Variants in CHIT1 observed in about 807,000 individuals in gnomAD.
CHIT1 encodes the protein chitinase 1, also known as chitotriosidase-1.
A neutral mutation model predicts 52.0 loss-of-function variants in CHIT1; 47 were observed. That is an observed-to-expected ratio of 0.90 (90% CI 0.71 to 1.15). CHIT1 has a LOEUF of 1.15. Ranked by LOEUF, CHIT1 falls within the 50% of genes most tolerant of loss-of-function variation. The pLI is 0.00. For synonymous variants in CHIT1, 242 were observed against 228.2 expected (o/e 1.06, Z -0.54); for missense variants, 569 against 583.0 (o/e 0.98, Z 0.25).
intron 1 of CHIT1, 25 bp downstream of exon 1, chr1:203,229,587 C>T: frequency 6.2e-7 from 1 of 1,613,894 alleles, no homozygotes; most frequent in Non-Finnish European, 8.5e-7. Flanking sequence ...GCTCCCGAGA[C>T]CCAGCCCACT....
In CHIT1 at chr1:203,223,125, T is replaced by A. The variant is rs368307246; in HGVS notation, c.605+10A>T. 742 of 1,613,902 alleles carry A rather than the reference T, an allele frequency of 4.6e-4. No homozygotes were observed. Among genetic ancestry groups the A allele is most frequent in the Non-Finnish European group, 5.9e-4 (699 of 1,180,014 alleles). On this transcript the variant is annotated intron_variant, in intron 6 of 10. Coordinates refer to ENST00000367229, the MANE Select transcript of CHIT1 (RefSeq NM_003465.3). ...AGAGCACAGCTCCAAGCCATCTGCC[T>A]GAGACTCACTGGGCGATTTTGTCCA...
At position 203,216,422 on chromosome 1, in the gene CHIT1, C is replaced by T. The variant is rs1282317969; in HGVS notation, c.*467G>A. 2.6e-5 allele frequency: 12 copies of T among 454,380 alleles called. No individual in the cohort carries two copies. The highest frequency in any genetic ancestry group is 4.8e-5 in the Non-Finnish European group (11 of 227,138). 28.1% of individuals were successfully genotyped at this position (454,380 alleles called of 1,614,324 possible). A position where few individuals can be genotyped will look rare whatever the true frequency, so the allele number is the denominator to read the frequency against. On this transcript the variant is annotated 3_prime_UTR_variant, in exon 11 of 11. Coordinates refer to ENST00000367229, the MANE Select transcript of CHIT1 (RefSeq NM_003465.3). The stretch of plus-strand genomic sequence containing the variant: ...TGGGAATAACACGTGCGTGAAGGTC[C>T]GCAGAAGCTCCTGTTTCCAGGCTTC...
chr1:203,224,358 C>A (rs1257610643), intron 4 of CHIT1, among the ~76,000 whole-genome samples: 1 of 152,120 alleles, frequency 6.6e-6, no homozygotes. Flanking sequence ...TTAATTTAGT[C>A]CGAGGACACC....
At chr1:203,219,112 T>C in intron 9 of CHIT1, 104 bp downstream of exon 9, 1 of 776,924 alleles carries the variant, frequency 1.3e-6, no homozygotes, top group South Asian at 1.4e-5. Context: ...TGTTGGGACA[T>C]TTAAAGGAGA....
intron 4 of CHIT1, 100 bp downstream of exon 4, chr1:203,224,948 A>C: frequency 9.0e-7 from 1 of 1,110,212 alleles, no homozygotes; most frequent in South Asian, 1.3e-5. Flanking sequence ...CCCTGACCAC[A>C]CCTCAGCCTG....
intron 6 of CHIT1, 144 bp downstream of exon 6, chr1:203,222,991 T>G: frequency 1.8e-6 from 2 of 1,123,646 alleles, no homozygotes; most frequent in Non-Finnish European, 2.7e-6. Flanking sequence ...AGCAGGGAAT[T>G]TTCTGCTTTT....
Position 203,219,635 on chromosome 1 carries a change from A to G in CHIT1, c.915+29T>C, listed in dbSNP as rs760213528. The stretch of plus-strand genomic sequence containing the variant: ...TCTCAGGCACCCCCTGACCCTCACA[A>G]TACCCAGGGTGGTTATGGGTTTTCC... On this transcript the variant is annotated intron_variant, in intron 8 of 10. Coordinates refer to ENST00000367229, the MANE Select transcript of CHIT1 (RefSeq NM_003465.3). The G allele has an allele frequency of 3.7e-6, 6 of 1,613,436 alleles. No homozygotes were observed. The South Asian group carries it at 6.6e-5, about 18-fold the overall frequency.
intron 10 of CHIT1, 119 bp downstream of exon 10, chr1:203,217,620 A>G: frequency 6.7e-7 from 1 of 1,491,836 alleles, no homozygotes; most frequent in Non-Finnish European, 9.2e-7. Flanking sequence ...GGGAAATTAC[A>G]GTATTGGGGC....
In CHIT1 at chr1:203,223,528, G is replaced by C. The variant is rs139891908; in HGVS notation, c.447C>G (p.Ala149=). 1 of 1,614,160 alleles carries C rather than the reference G, an allele frequency of 6.2e-7. No individual in the cohort carries two copies. Among genetic ancestry groups the C allele is most frequent in the Non-Finnish European group, 8.5e-7 (1 of 1,179,998 alleles). ...GGGTTGTGAAGCGCTCCTTGTCTAC[G>C]GCAGGGCTCCCCTGGCTTCCTGGGT... The part of the protein sequence containing the change: ...WEYPGSQGSP[A]VDKERFTTLV... The change falls in exon 5 of 11, where the codon GCC becomes GCG. Residue 149 remains alanine (A), a synonymous_variant. Transcript: ENST00000367229.
At chr1:203,227,066 C>T (rs1430875165) in intron 2 of CHIT1, among the ~76,000 whole-genome samples, 1 of 152,088 alleles carries the variant, frequency 6.6e-6, no homozygotes, top group Non-Finnish European at 1.5e-5. Context: ...CTGTCTGTAC[C>T]CCCTCCAATG....
intron 1 of CHIT1, 60 bp from the exon 2 acceptor site, chr1:203,228,622 C>T (rs1657013810): frequency 1.2e-5 from 19 of 1,544,712 alleles, no homozygotes; most frequent in Non-Finnish European, 1.7e-5. Context: ...TCCCAGGCCC[C>T]ACAGCTTACG....
At position 203,217,484 on chromosome 1, in the gene CHIT1, G is replaced by C. The variant is rs1214167293; in HGVS notation, c.1156+255C>G. On this transcript the variant is annotated intron_variant, in intron 10 of 10. Transcript: ENST00000367229. ...ACAAGGTGCTGCTCCCAGTCTGGGG[G>C]CCCTCTGGAGGGAAGCCACGGTTAC... The C allele has an allele frequency of 4.2e-6, 5 of 1,188,472 alleles. No individual in the cohort carries two copies. In the Admixed American group the frequency reaches 8.2e-5, roughly 19 times the overall value. The allele number at this position is 1,188,472 out of a possible 1,614,324, so 73.6% of individuals were successfully genotyped here. A position where few individuals can be genotyped will look rare whatever the true frequency, so the allele number is the denominator to read the frequency against.
chr1:203,219,300 C>T lies in CHIT1; in HGVS notation c.945G>A (p.Gln315=), dbSNP rs1271971674. The part of the protein sequence containing the change: ...EVCSWKGATK[Q]RIQDQKVPYI... ...AGGGCACCTTCTGATCCTGGATTCT[C>T]TGTTTGGTGGCCCCCTTCCAGGAGC... is the stretch of plus-strand genomic sequence containing the variant. Residue 315 remains glutamine (Q), a synonymous_variant, in exon 9 of 11, where the codon CAG becomes CAA. Transcript: ENST00000367229. The T allele has an allele frequency of 6.2e-7, 1 of 1,612,344 alleles. No homozygotes were observed. Among genetic ancestry groups the T allele is most frequent in the South Asian group, 1.1e-5 (1 of 91,050 alleles).
Position 203,222,394 on chromosome 1 carries a change from C to T in CHIT1, c.606-69G>A, listed in dbSNP as rs1656771661. Reference sequence around the variant, plus strand: ...GGTGGGGTAGCCCTTCTTTCTCACTCCTACCCCCTCAGTGCATGGCCTAGG... The same window carrying T: ...GGTGGGGTAGCCCTTCTTTCTCACTTCTACCCCCTCAGTGCATGGCCTAGG... On this transcript the variant is annotated intron_variant, in intron 6 of 10. Coordinates refer to ENST00000367229, the MANE Select transcript of CHIT1 (RefSeq NM_003465.3). The T allele has an allele frequency of 2.5e-6, 4 of 1,609,270 alleles. No individual in the cohort carries two copies. The East Asian group carries it at 6.7e-5, about 27-fold the overall frequency.
At chr1:203,224,413 A>G (rs1656851254) in intron 4 of CHIT1, among the ~76,000 whole-genome samples, 1 of 152,242 alleles carries the variant, frequency 6.6e-6, no homozygotes, top group African/African-American at 2.4e-5. Context: ...TCTGTATATA[A>G]GCATTATTTT....
chr1:203,224,954 GCCTGGCCTGATTC>G, intron 4 of CHIT1, 81 bp downstream of exon 4: 2 of 1,169,740 alleles, frequency 1.7e-6, no homozygotes, highest in Non-Finnish European at 2.6e-6. Flanking sequence ...CCACACCTCA[GCCTGGCCTGATTC>G]CCTGACCAGG....
In CHIT1 at chr1:203,225,872, T is replaced by C. The variant is rs777619221; in HGVS notation, c.56-2A>G. 1.2e-6 allele frequency: 2 copies of C among 1,614,104 alleles called. No homozygotes were observed. The highest frequency in any genetic ancestry group is 1.7e-6 in the Non-Finnish European group (2 of 1,180,020). On this transcript the variant is annotated splice_acceptor_variant, in intron 2 of 10. Coordinates refer to ENST00000367229, the MANE Select transcript of CHIT1 (RefSeq NM_003465.3). LOFTEE classifies it high-confidence loss of function. The stretch of plus-strand genomic sequence containing the variant: ...AGCAGACCAGTTTTGCAGCAGAGCC[T>C]GGCCCGTTGGAGTAAAGAAAAGGGA...
rs573253297 is a variant in CHIT1 at position 203,217,291 on chromosome 1, A to C, written c.1157-158T>G. 1.3e-4 allele frequency: 202 copies of C among 1,547,126 alleles called. 2 individuals carry two copies. In the South Asian group the frequency reaches 1.9e-3, roughly 14 times the overall value. On this transcript the variant is annotated intron_variant, in intron 10 of 10. Coordinates refer to ENST00000367229, the MANE Select transcript of CHIT1 (RefSeq NM_003465.3). The stretch of plus-strand genomic sequence containing the variant: ...TACCCCAGGCAGAGAACAGCCAGAC[A>C]ACAGCCATACCTACAGCTGAAGCAC...
chr1:203,227,376 G>A (rs956867929), intron 2 of CHIT1, among the ~76,000 whole-genome samples: 2 of 152,220 alleles, frequency 1.3e-5, no homozygotes, highest in Admixed American at 6.5e-5. Flanking sequence ...GGCCATGTAG[G>A]AAGGAGCCAG....
Sources: allele counts gnomAD v4.1 joint callset (sites outside exome capture counted in the v4.1 genomes callset), GRCh38; gene constraint gnomAD v4.1.1; transcripts MANE v1.5; gene names NCBI Gene and HGNC (gene_info 2026-07-23, HGNC 2026-07-21).